Variants in TAF9 observed in about 807,000 individuals in gnomAD.
TAF9 encodes the protein TATA-box binding protein associated factor 9, also known as transcription initiation factor TFIID subunit 9.
Under a neutral mutation model 16.5 loss-of-function variants are expected in TAF9, and 10 were observed. That is an observed-to-expected ratio of 0.61 (90% confidence interval 0.37 to 1.03). TAF9 has a LOEUF of 1.03. TAF9 is among the 50% of genes least tolerant of loss of function. The pLI, the probability that TAF9 is intolerant of heterozygous loss-of-function variation, is 0.01. For synonymous variants in TAF9, 105 were observed against 120.5 expected, an observed-to-expected ratio of 0.87 and a Z score of 0.84; for missense variants, 288 against 319.1, an observed-to-expected ratio of 0.90 and a Z score of 0.74.
chr5:69,369,602 C>G, upstream of TAF9: 1 of 1,585,422 alleles, frequency 6.3e-7, no homozygotes, highest in South Asian at 1.1e-5. Context: ...GGCCCCGAAG[C>G]CCACCGCGGC....
intron 1 of TAF9, chr5:69,369,092 T>C: frequency 2.8e-6 from 1 of 361,722 alleles, no homozygotes; most frequent in Non-Finnish European, 5.0e-6. Flanking sequence ...AGATATGGCC[T>C]TACGTTATTT....
In TAF9 at chr5:69,365,043, G is replaced by A; in HGVS notation, c.695C>T (p.Ser232Leu). 1 of 1,614,046 alleles carries A rather than the reference G, an allele frequency of 6.2e-7. No homozygotes were observed. Among genetic ancestry groups the A allele is most frequent in the Non-Finnish European group, 8.5e-7 (1 of 1,179,932 alleles). The change falls in exon 3 of 3, where the codon TCA becomes TTA. Residue 232 changes from serine to leucine, a missense_variant. Ser to Leu is a moderately radical substitution (Grantham distance 145, BLOSUM62 -2). Transcript: ENST00000217893. ...TGATTCATTGGCAGTATTTTGTGAT[G>A]ACATCATATTAGTGGTAATAAGAAT... ...KNILITTNMM[S>L]SQNTANESSN...
chr5:69,369,760 C>T (rs1205143315), upstream of TAF9: 8 of 1,479,322 alleles, frequency 5.4e-6, no homozygotes, highest in African/African-American at 1.4e-5. Flanking sequence ...TCACACACTC[C>T]TTCGGTGGTC....
intron 1 of TAF9, 42 bp downstream of exon 1, chr5:69,369,421 C>G (rs993121733): frequency 1.7e-5 from 28 of 1,602,376 alleles, no homozygotes; most frequent in East Asian, 6.8e-5. Flanking sequence ...TCTGCGCCCC[C>G]AGCCTGCCCC....
chr5:69,364,967 A>T lies in TAF9; in HGVS notation c.771T>A (p.Asp257Glu), dbSNP rs1164115735. The T allele has an allele frequency of 6.2e-7, 1 of 1,612,616 alleles. No homozygotes were observed. Among genetic ancestry groups the T allele is most frequent in the Non-Finnish European group, 8.5e-7 (1 of 1,179,404 alleles). ...ATTACAGATTATCATAGTCATCATCATCATCATCGTCATCATCATCATCTT... is the reference window on the plus strand; with the variant it reads ...ATTACAGATTATCATAGTCATCATCTTCATCATCGTCATCATCATCATCTT... ...KREDDDDDDDDDDDYDNL is the reference protein window; with the variant it reads ...KREDDDDDDDEDDDYDNL Residue 257 changes from aspartate to glutamate, a missense_variant, in exon 3 of 3, where the codon GAT becomes GAA. Transcript: ENST00000217893.
At chr5:69,369,597 C>A (rs1248685417), upstream of TAF9, 17 of 1,590,876 alleles carry the variant, frequency 1.1e-5, no homozygotes, top group South Asian at 1.5e-4. Context: ...CCAAAGGCCC[C>A]GAAGCCCACC....
rs768820633 is a variant in TAF9, at chr5:69,369,463, C to G, written c.-111G>C. ...GTCCCTCCCGGCCGCGCGCCCTGAC[C>G]GGTGAGCAGGATGTTCGGAAGCAAC... On this transcript the variant is annotated splice_region_variant and 5_prime_UTR_variant, in exon 1 of 3. Coordinates refer to ENST00000217893, the MANE Select transcript of TAF9 (RefSeq NM_003187.5). 5.6e-6 allele frequency: 9 copies of G among 1,610,644 alleles called. No individual in the cohort carries two copies. The Admixed American group carries it at 6.7e-5, about 12-fold the overall frequency.
In TAF9 at chr5:69,366,560, C is replaced by A. The variant is rs2150740321; in HGVS notation, c.-75G>T. ...TTCAGTCCTGATTTTGACGCAAGTT[C>A]TTTGCCTAGTGTGGTTTTTCCAACC... On this transcript the variant is annotated 5_prime_UTR_variant, in exon 2 of 3. It introduces an in-frame stop codon into an upstream open reading frame of the 5' UTR. Coordinates refer to ENST00000217893, the MANE Select transcript of TAF9 (RefSeq NM_003187.5). 1 of 1,614,084 alleles carries A rather than the reference C, an allele frequency of 6.2e-7. No individual in the cohort carries two copies. The highest frequency in any genetic ancestry group is 8.5e-7 in the Non-Finnish European group (1 of 1,180,008).
rs778729923 is a variant in TAF9 at position 69,366,488 on chromosome 5, C to T, written c.-18+15G>A. 7 of 1,604,296 alleles carry T rather than the reference C, an allele frequency of 4.4e-6. No individual in the cohort carries two copies. Among genetic ancestry groups the T allele is most frequent in the South Asian group, 1.1e-5 (1 of 90,186 alleles). ...AAAAAAAACAAAACAAATCTAACAC[C>T]AAAGTGTCCCTTACCTTCTCGAGCT... On this transcript the variant is annotated intron_variant, in intron 2 of 2. Transcript: ENST00000217893.
In TAF9 at chr5:69,365,318, C is replaced by G; in HGVS notation, c.420G>C (p.Ala140=). The change falls in exon 3 of 3, where the codon GCG becomes GCC. Residue 140 remains alanine (A), a synonymous_variant. Coordinates refer to ENST00000217893, the MANE Select transcript of TAF9 (RefSeq NM_003187.5). ...KSLQKKASTS[A]GRITVPRLSV... ...TTAACCGCGGGACTGTTATTCTTCC[C>G]GCAGAAGTTGATGCCTTTTTCTGTA... The G allele has an allele frequency of 1.2e-6, 2 of 1,614,146 alleles. No homozygotes were observed. Among genetic ancestry groups the G allele is most frequent in the Non-Finnish European group, 1.7e-6 (2 of 1,180,026 alleles).
rs114336098 is a variant in TAF9 at position 69,365,849 on chromosome 5, T to A, written c.-17-95A>T. ...GGAACTTAAAAAAATTTTAAATCTA[T>A]GTTAAACTGTAAAAAAATTTTTAAA... On this transcript the variant is annotated intron_variant, in intron 2 of 2. Coordinates refer to ENST00000217893, the MANE Select transcript of TAF9 (RefSeq NM_003187.5). The A allele has an allele frequency of 1.0e-3, 936 of 904,954 alleles. 8 individuals carry two copies. The African/African-American group carries it at 0.014, about 14-fold the overall frequency. 56.1% of individuals were successfully genotyped at this position (904,954 alleles called of 1,614,324 possible). A position where few individuals can be genotyped will look rare whatever the true frequency, so the allele number is the denominator to read the frequency against.
chr5:69,365,131 T>G lies in TAF9; in HGVS notation c.607A>C (p.Ile203Leu), dbSNP rs955721990. The stretch of plus-strand genomic sequence containing the variant: ...TTCTGAACTGCTGAGGTTGCAGGAA[T>G]TGAAGCTTTTACAGCTGGAGACTGA... ...TSQSPAVKAS[I>L]PATSAVQNVL... Residue 203 changes from isoleucine to leucine, a missense_variant, in exon 3 of 3, where the codon ATT (isoleucine) becomes CTT (leucine). By Grantham distance (5) the Ile-to-Leu change is conservative. Transcript: ENST00000217893. 6.2e-7 allele frequency: 1 copy of G among 1,614,232 alleles called. No homozygotes were observed. Among genetic ancestry groups the G allele is most frequent in the Non-Finnish European group, 8.5e-7 (1 of 1,180,048 alleles).
rs1320073108 is a variant in TAF9, at chr5:69,364,954, CAT to C, written c.782_783del (p.Tyr261Ter). The part of the protein sequence containing the change: ...DDDDDDDDDD[Y>X]DNL ...TCAGCAAGGCTAGATTACAGATTAT[CAT>C]AGTCATCATCATCATCATCGTCATC... On this transcript the variant is annotated frameshift_variant, in exon 3 of 3. Transcript: ENST00000217893. LOFTEE classifies it high-confidence loss of function. 3.7e-6 allele frequency: 6 copies of C among 1,610,386 alleles called. No individual in the cohort carries two copies. In the East Asian group the frequency reaches 6.7e-5, roughly 18 times the overall value.
chr5:69,364,848 T>C lies in TAF9; in HGVS notation c.*95A>G, dbSNP rs942693718. On this transcript the variant is annotated 3_prime_UTR_variant, in exon 3 of 3. Transcript: ENST00000217893. Reference sequence around the variant, plus strand: ...TGTGTTTACTCATTATTATTAGTTTTCTAAAACACAACTTGAAAACATCCA... The same window carrying C: ...TGTGTTTACTCATTATTATTAGTTTCCTAAAACACAACTTGAAAACATCCA... 2.2e-5 allele frequency: 26 copies of C among 1,157,580 alleles called. No homozygotes were observed. Among genetic ancestry groups the C allele is most frequent in the Non-Finnish European group, 2.8e-5 (23 of 817,472 alleles). The allele number at this position is 1,157,580 out of a possible 1,614,324, so 71.7% of individuals were successfully genotyped here.
intron 2 of TAF9, among the ~76,000 whole-genome samples, chr5:69,366,235 T>A (rs1236951330): frequency 6.6e-6 from 1 of 152,194 alleles, no homozygotes; most frequent in Non-Finnish European, 1.5e-5. Flanking sequence ...ATTCACATTC[T>A]ACCTATCCGA....
rs987160123 is a variant in TAF9, at chr5:69,366,367, G to A, written c.-18+136C>T. 2.8e-5 allele frequency: 18 copies of A among 652,112 alleles called. No individual in the cohort carries two copies. The African/African-American group carries it at 3.3e-4, about 12-fold the overall frequency. 40.4% of individuals were successfully genotyped at this position (652,112 alleles called of 1,614,324 possible). ...GCATTAGACACTTAATATTTCTGTG[G>A]ATTCCCTAACAGAGTATATATTCTT... On this transcript the variant is annotated intron_variant, in intron 2 of 2. Transcript: ENST00000217893.
chr5:69,364,747 A>G lies in TAF9; in HGVS notation c.*196T>C, dbSNP rs1762343037. ...TAACTGCCAAAGCACCAACAATCGA[A>G]TGAATGACAACTTTATTTTTCTTAC... On this transcript the variant is annotated 3_prime_UTR_variant, in exon 3 of 3. Coordinates refer to ENST00000217893, the MANE Select transcript of TAF9 (RefSeq NM_003187.5). 3.0e-6 allele frequency: 2 copies of G among 668,888 alleles called. No homozygotes were observed. The highest frequency in any genetic ancestry group is 5.2e-6 in the Non-Finnish European group (2 of 387,010). The allele number at this position is 668,888 out of a possible 1,614,324, so 41.4% of individuals were successfully genotyped here. A position where few individuals can be genotyped will look rare whatever the true frequency, so the allele number is the denominator to read the frequency against.
Position 69,365,265 on chromosome 5 carries a change from C to T in TAF9, c.473G>A (p.Ser158Asn). 3.1e-6 allele frequency: 5 copies of T among 1,614,140 alleles called. No individual in the cohort carries two copies. The highest frequency in any genetic ancestry group is 3.3e-4 in the Middle Eastern group (2 of 6,062). Residue 158 changes from serine (S) to asparagine (N), a missense_variant, in exon 3 of 3, where the codon AGT becomes AAT. Transcript: ENST00000217893. ...LSVGSVTSRP[S>N]TPTLGTPTPQ... Reference sequence around the variant, plus strand: ...GGTTGGTGTGCCTAGTGTGGGAGTACTTGGTCTGCTAGTAACTGAACCAAC... The same window carrying T: ...GGTTGGTGTGCCTAGTGTGGGAGTATTTGGTCTGCTAGTAACTGAACCAAC...
At chr5:69,369,785 G>C (rs1204138522), upstream of TAF9, 2 of 1,398,158 alleles carry the variant, frequency 1.4e-6, no homozygotes, top group Admixed American at 2.1e-5. Context: ...CCCTTCGCTT[G>C]CGCCGACCAG....
Sources: allele counts gnomAD v4.1 joint callset (sites outside exome capture counted in the v4.1 genomes callset), GRCh38; gene constraint gnomAD v4.1.1; transcripts MANE v1.5; gene names NCBI Gene and HGNC (gene_info 2026-07-23, HGNC 2026-07-21).